Variants in CRACR2A observed in about 807,000 individuals in gnomAD.
CRACR2A encodes the protein EF-hand calcium-binding domain-containing protein 4B.
In CRACR2A, 79 loss-of-function variants were observed where a neutral mutation model predicts 90.5. The ratio of observed to expected loss-of-function variants is 0.87; its 90% CI spans 0.73 to 1.05. The LOEUF is 1.05. Among genes scored for constraint, CRACR2A ranks in the 50% least tolerant of loss-of-function variants. The probability of loss-of-function intolerance (pLI) is 0.00; values close to 1 mark genes in which losing one functional copy is unlikely to be tolerated. For missense variants in CRACR2A, 823 were observed against 897.2 expected (o/e 0.92, Z 1.06); for synonymous variants, 338 against 356.7 (o/e 0.95, Z 0.59).
intron 3 of CRACR2A, among the ~76,000 whole-genome samples, chr12:3,702,161 G>A (rs914611607): frequency 1.3e-5 from 2 of 152,154 alleles, no homozygotes; most frequent in Non-Finnish European, 2.9e-5. Context: ...GGCCCAACAC[G>A]AAAATGGGCA....
intron 2 of CRACR2A, among the ~76,000 whole-genome samples, chr12:3,716,395 T>C (rs1359951292): frequency 2.6e-5 from 4 of 152,240 alleles, no homozygotes; most frequent in Non-Finnish European, 5.9e-5. Flanking sequence ...GCTCTGCTCT[T>C]GTCTGCAGCT....
At chr12:3,744,053 T>C (rs1285992365) in intron 1 of CRACR2A, among the ~76,000 whole-genome samples, 2 of 152,126 alleles carry the variant, frequency 1.3e-5, no homozygotes, top group African/African-American at 4.8e-5. Flanking sequence ...TGTGGTGAGA[T>C]ACCAAGAGGG....
intron 3 of CRACR2A, among the ~76,000 whole-genome samples, chr12:3,701,457 A>C (rs1730988114): frequency 6.6e-6 from 1 of 152,172 alleles, no homozygotes; most frequent in Non-Finnish European, 1.5e-5. Context: ...ACAAGACACA[A>C]ATTACAATAG....
intron 12 of CRACR2A, among the ~76,000 whole-genome samples, chr12:3,643,886 T>A (rs1338351780): frequency 6.8e-5 from 3 of 43,976 alleles, no homozygotes; most frequent in East Asian, 2.2e-3. Context: ...ATATTTATAT[T>A]AATATATAAT....
chr12:3,727,651 C>T (rs1037087870), intron 2 of CRACR2A: 1 of 152,194 alleles, frequency 6.6e-6, no homozygotes, highest in African/African-American at 2.4e-5. Context: ...CTTCCTAAAA[C>T]AACCATTTCC....
Position 3,619,352 on chromosome 12 carries a change from C to T in CRACR2A, c.1953G>A (p.Val651=), listed in dbSNP as rs1213319328. ...GCTTATTACCCAGCAGAAGAACAGG[C>T]ACCCGGTCTCCCACAGCTTCCTGCA... ...SSVEEAVGDR[V]PVLLLGNKLD... is the part of the protein sequence containing the mutation. Residue 651 remains valine (V), a synonymous_variant, in exon 18 of 20, where the codon GTG becomes GTA. Coordinates refer to ENST00000440314, the MANE Select transcript of CRACR2A (RefSeq NM_001144958.2). 6.4e-7 allele frequency: 1 copy of T among 1,551,700 alleles called. No homozygotes were observed. Among genetic ancestry groups the T allele is most frequent in the Admixed American group, 2.0e-5 (1 of 51,014 alleles).
chr12:3,648,504 G>A (rs368297120), intron 11 of CRACR2A, 38 bp downstream of exon 11: 1 of 1,614,008 alleles, frequency 6.2e-7, no homozygotes, highest in South Asian at 1.1e-5. Flanking sequence ...AGGCTTCTGG[G>A]AGGTGCTCTC....
chr12:3,627,782 C>T lies in CRACR2A; in HGVS notation c.1736-76G>A. 3 of 1,394,330 alleles carry T rather than the reference C, an allele frequency of 2.2e-6. No homozygotes were observed. In the South Asian group the frequency reaches 3.7e-5, roughly 17 times the overall value. The allele number at this position is 1,394,330 out of a possible 1,614,324, so 86.4% of individuals were successfully genotyped here. A position where few individuals can be genotyped will look rare whatever the true frequency, so the allele number is the denominator to read the frequency against. On this transcript the variant is annotated intron_variant, in intron 15 of 19. Coordinates refer to ENST00000440314, the MANE Select transcript of CRACR2A (RefSeq NM_001144958.2). ...ACTTCCAAATCAGGAAACAATGCTTCCAACATCTGAAATCACATCAGGCCC... is the reference window on the plus strand; with the variant it reads ...ACTTCCAAATCAGGAAACAATGCTTTCAACATCTGAAATCACATCAGGCCC...
chr12:3,686,856 T>C (rs1945567034), intron 4 of CRACR2A, among the ~76,000 whole-genome samples: 3 of 152,174 alleles, frequency 2.0e-5, no homozygotes, highest in Non-Finnish European at 4.4e-5. Flanking sequence ...ACGTCCATCA[T>C]CTGCTACCCC....
At chr12:3,700,525 A>G (rs1170472532) in intron 3 of CRACR2A, among the ~76,000 whole-genome samples, 1 of 152,258 alleles carries the variant, frequency 6.6e-6, no homozygotes, top group Non-Finnish European at 1.5e-5. Context: ...AAGGCTGGAA[A>G]AAGATATAAC....
chr12:3,656,265 A>G (rs780980361), intron 9 of CRACR2A, 46 bp downstream of exon 9: 4 of 1,578,150 alleles, frequency 2.5e-6, no homozygotes, highest in Admixed American at 3.3e-5. Flanking sequence ...AGAGAAAAGG[A>G]GAGAGTGAAG....
chr12:3,750,277 G>T (rs1337824878), intron 1 of CRACR2A, among the ~76,000 whole-genome samples: 1 of 152,158 alleles, frequency 6.6e-6, no homozygotes, highest in Non-Finnish European at 1.5e-5. Flanking sequence ...TCCTCTGCAA[G>T]ACAGCGGCCT....
In CRACR2A at chr12:3,633,388, A is replaced by G. The variant is rs1426850408; in HGVS notation, c.1735+216T>C. ...ACAAAGTACTCAGGGGTCCCATCACACACAGGATGAGCTTAGCAGCTAGCA... is the reference window on the plus strand; with the variant it reads ...ACAAAGTACTCAGGGGTCCCATCACGCACAGGATGAGCTTAGCAGCTAGCA... On this transcript the variant is annotated intron_variant, in intron 15 of 19. Coordinates refer to ENST00000440314, the MANE Select transcript of CRACR2A (RefSeq NM_001144958.2). This position sits in a 1 kb window ranked among gnomAD's most constrained non-coding sequence, Gnocchi z 4.5. Among the ~76,000 whole-genome samples, 1 of 152,186 alleles carries G rather than the reference A, an allele frequency of 6.6e-6. No homozygotes were observed. The highest frequency in any genetic ancestry group is 1.5e-5 in the Non-Finnish European group (1 of 68,022).
intron 2 of CRACR2A, among the ~76,000 whole-genome samples, chr12:3,716,086 T>C (rs2137788816): frequency 6.6e-6 from 1 of 152,228 alleles, no homozygotes; most frequent in African/African-American, 2.4e-5. Context: ...TTTAGGTGTT[T>C]TTCTTCTAAT....
In CRACR2A at chr12:3,725,326, G is replaced by A. The variant is rs1251762223; in HGVS notation, c.-118+7616C>T. Among the ~76,000 whole-genome samples, 3 of 152,162 alleles carry A rather than the reference G, an allele frequency of 2.0e-5. No homozygotes were observed. The South Asian group carries it at 6.2e-4, about 32-fold the overall frequency. On this transcript the variant is annotated intron_variant, in intron 2 of 19. Coordinates refer to ENST00000440314, the MANE Select transcript of CRACR2A (RefSeq NM_001144958.2). ...CTGCGGCGCTGTGTCCCCTCTAAAG[G>A]CTCCTGCAGAGAATCTGCTCCTTGC... is the stretch of plus-strand genomic sequence containing the variant.
chr12:3,644,644 T>G lies in CRACR2A; in HGVS notation c.1119-4A>C, dbSNP rs1944653409. Reference sequence around the variant, plus strand: ...CCGAAGGTGCTTGTTCCTTTCCCTGTGGATGGTAAAGGGGAATCTATTCAA... The same window carrying G: ...CCGAAGGTGCTTGTTCCTTTCCCTGGGGATGGTAAAGGGGAATCTATTCAA... On this transcript the variant is annotated splice_region_variant and splice_polypyrimidine_tract_variant and intron_variant, in intron 11 of 19. Transcript: ENST00000440314. 1 of 1,551,446 alleles carries G rather than the reference T, an allele frequency of 6.4e-7. No homozygotes were observed. The highest frequency in any genetic ancestry group is 1.4e-5 in the African/African-American group (1 of 72,998).
chr12:3,632,667 A>G (rs1007768337), intron 15 of CRACR2A, among the ~76,000 whole-genome samples: 5 of 152,240 alleles, frequency 3.3e-5, no homozygotes, highest in South Asian at 2.1e-4. Context: ...GGGAATGTGA[A>G]CAAGCCTCTA....
At chr12:3,636,066 CA>C (rs1339281707) in intron 14 of CRACR2A, among the ~76,000 whole-genome samples, 2 of 152,138 alleles carry the variant, frequency 1.3e-5, no homozygotes, top group Admixed American at 6.5e-5. Context: ...TATTATTGGA[CA>C]TTTTTTTTAA....
chr12:3,737,132 T>C (rs932796639), intron 1 of CRACR2A, among the ~76,000 whole-genome samples: 1 of 152,134 alleles, frequency 6.6e-6, no homozygotes, highest in South Asian at 2.1e-4. Flanking sequence ...GGAGCCCAAA[T>C]TAACAAGACC....
Sources: gnomAD v4.1 joint callset for allele counts (sites outside exome capture counted in the v4.1 genomes callset) on GRCh38, gnomAD v4.1.1 for gene constraint, Gnocchi (gnomAD v3.1) non-coding constraint, MANE v1.5 for transcripts, NCBI Gene and HGNC (gene_info 2026-07-23, HGNC 2026-07-21) for gene names.